SLC36A1: variants seen among roughly 807,000 people sequenced by gnomAD.
The protein encoded by SLC36A1 is proton-coupled amino acid transporter 1.
SLC36A1 carries 30 observed loss-of-function variants against 47.5 expected under a neutral mutation model. The ratio of observed to expected loss-of-function variants is 0.63; its 90% CI spans 0.47 to 0.86. SLC36A1 has a LOEUF of 0.86. Ranked by LOEUF, SLC36A1 falls within the 40% of genes least tolerant of loss-of-function variation. The pLI is 0.00. For synonymous variants in SLC36A1, 255 were observed against 249.7 expected, an observed-to-expected ratio of 1.02 and a Z score of -0.20; for missense variants, 517 against 606.0, an observed-to-expected ratio of 0.85 and a Z score of 1.54.
chr5:151,504,528 A>G, the SLC36A1 span: 22,571 of 152,738 alleles, frequency 0.15, 2,031 homozygotes, highest in Non-Finnish European at 0.21. Flanking sequence ...GGCGTCTGCA[A>G]TGGAGAGGAG....
upstream of SLC36A1, among the ~76,000 whole-genome samples, chr5:151,446,621 AT>A (rs67520347): frequency 0.23 from 35,262 of 151,998 alleles, 4,403 homozygotes; most frequent in African/African-American, 0.31. Flanking sequence ...TCATATTATT[AT>A]GGTCTGAAAG....
At chr5:151,387,816 T>C in the SLC36A1 span, among the ~76,000 whole-genome samples, 2 of 152,140 alleles carry the variant, frequency 1.3e-5, no homozygotes, top group African/African-American at 4.8e-5. Context: ...AACTCTTACC[T>C]TTTTTCTTCT....
chr5:151,499,645 C>G, the SLC36A1 span, among the ~76,000 whole-genome samples: 7 of 152,150 alleles, frequency 4.6e-5, no homozygotes, highest in Non-Finnish European at 1.0e-4. Flanking sequence ...CTCGGAGATC[C>G]CATGTGCCTC....
At chr5:151,463,033 G>T (rs1206569282) in intron 2 of SLC36A1, among the ~76,000 whole-genome samples, 1 of 152,082 alleles carries the variant, frequency 6.6e-6, no homozygotes, top group Non-Finnish European at 1.5e-5. Context: ...ATGCCGCTAT[G>T]CCTGGCTAAT....
chr5:151,448,196 T>C (rs143555748), intron 1 of SLC36A1, among the ~76,000 whole-genome samples: 1,951 of 152,220 alleles, frequency 0.013, 40 homozygotes, highest in African/African-American at 0.045. Flanking sequence ...CTAGGACAGT[T>C]GGAGAAACTG....
the SLC36A1 span, among the ~76,000 whole-genome samples, chr5:151,516,066 C>G: frequency 1.3e-5 from 2 of 152,206 alleles, no homozygotes; most frequent in Non-Finnish European, 2.9e-5. Context: ...TAAGCATTCT[C>G]CTGCCAAAAG....
chr5:151,385,467 G>GAAAT, the SLC36A1 span, among the ~76,000 whole-genome samples: 1 of 152,202 alleles, frequency 6.6e-6, no homozygotes, highest in African/African-American at 2.4e-5. Context: ...ATCCAAATTG[G>GAAAT]AAATGCCTTA....
the SLC36A1 span, among the ~76,000 whole-genome samples, chr5:151,393,256 T>C: frequency 2.6e-5 from 4 of 152,050 alleles, no homozygotes; most frequent in African/African-American, 9.7e-5. Flanking sequence ...ATTTGCTTGG[T>C]AGTTCTTCCT....
chr5:151,448,334 C>T (rs547824256), intron 1 of SLC36A1, among the ~76,000 whole-genome samples: 3 of 152,328 alleles, frequency 2.0e-5, no homozygotes, highest in African/African-American at 7.2e-5. Context: ...TTCGCCACAC[C>T]GCCTCCTGCG....
At chr5:151,502,685 T>G in the SLC36A1 span, among the ~76,000 whole-genome samples, 22,838 of 148,078 alleles carry the variant, frequency 0.15, 2,586 homozygotes, top group Non-Finnish European at 0.21. Flanking sequence ...CAAAAGGAGT[T>G]CTCATTCACT....
the SLC36A1 span, among the ~76,000 whole-genome samples, chr5:151,499,351 C>A: frequency 1.3e-5 from 2 of 152,210 alleles, no homozygotes; most frequent in Non-Finnish European, 2.9e-5. Context: ...GGACCAGCAC[C>A]TGGGTCTGGC....
intron 3 of SLC36A1, 147 bp from the exon 4 acceptor site, chr5:151,464,367 T>G: frequency 3.1e-6 from 2 of 649,420 alleles, no homozygotes; most frequent in Non-Finnish European, 5.6e-6. Context: ...ATGATCACGT[T>G]TCTCTCTCTA....
At chr5:151,449,157 C>G (rs1753238562) in intron 1 of SLC36A1, among the ~76,000 whole-genome samples, 1 of 152,206 alleles carries the variant, frequency 6.6e-6, no homozygotes, top group Admixed American at 6.5e-5. Context: ...GCAGTTTCCT[C>G]TGCTTATTCC....
the SLC36A1 span, among the ~76,000 whole-genome samples, chr5:151,389,813 G>A: frequency 1.3e-5 from 2 of 151,972 alleles, no homozygotes; most frequent in African/African-American, 4.8e-5. Context: ...TATCACTGAT[G>A]GACATTTGGG....
the SLC36A1 span, among the ~76,000 whole-genome samples, chr5:151,351,765 C>A: frequency 6.6e-6 from 1 of 152,194 alleles, no homozygotes; most frequent in South Asian, 2.1e-4. Flanking sequence ...TCATCCAAGC[C>A]AGCATCATCC....
At chr5:151,347,073 C>T in the SLC36A1 span, among the ~76,000 whole-genome samples, 1 of 152,202 alleles carries the variant, frequency 6.6e-6, no homozygotes, top group South Asian at 2.1e-4. Flanking sequence ...GCCTCAGTTT[C>T]CCCACCTGTG....
chr5:151,386,097 C>G, the SLC36A1 span, among the ~76,000 whole-genome samples: 1 of 151,822 alleles, frequency 6.6e-6, no homozygotes, highest in Admixed American at 6.6e-5. Flanking sequence ...CCAGGCTGGT[C>G]TCAAACTCCT....
At chr5:151,377,081 C>T in the SLC36A1 span, among the ~76,000 whole-genome samples, 1 of 152,172 alleles carries the variant, frequency 6.6e-6, no homozygotes, top group South Asian at 2.1e-4. Flanking sequence ...TGAGAAGACA[C>T]TTCATAGGGT....
intron 8 of SLC36A1, among the ~76,000 whole-genome samples, chr5:151,474,178 A>AAAAAAAAAAAAAAAAAAAAAAAAAAGAG (rs776318482): frequency 1.7e-5 from 2 of 119,008 alleles, no homozygotes; most frequent in African/African-American, 9.0e-5. Flanking sequence ...AAAAAAAAAA[A>AAAAAAAAAAAAAAAAAAAAAAAAAAGAG]AGAAATTATC....
Sources: gnomAD v4.1 joint callset for allele counts (sites outside exome capture counted in the v4.1 genomes callset) on GRCh38, gnomAD v4.1.1 for gene constraint, MANE v1.5 for transcripts, NCBI Gene and HGNC (gene_info 2026-07-23, HGNC 2026-07-21) for gene names.